The following PHACTR2 variants were observed in gnomAD, a reference collection of about 807,000 sequenced individuals.
PHACTR2 encodes the protein chromosome 6 open reading frame 56.
Under a neutral mutation model 76.0 loss-of-function variants are expected in PHACTR2, and 30 were observed. That is an observed-to-expected ratio of 0.39 (90% CI 0.30 to 0.54). The LOEUF is 0.54. Ranked by LOEUF, PHACTR2 falls within the 20% of genes least tolerant of loss-of-function variation. The pLI is 0.61. For synonymous variants in PHACTR2, 292 were observed against 292.5 expected, an observed-to-expected ratio of 1.00 and a Z score of 0.02; for missense variants, 696 against 781.1, an observed-to-expected ratio of 0.89 and a Z score of 1.30.
rs200454813 is a variant in PHACTR2 at position 143,765,584 on chromosome 6, G to A, written c.1018G>A (p.Val340Met). 9 of 1,613,938 alleles carry A rather than the reference G, an allele frequency of 5.6e-6. No homozygotes were observed. The highest frequency in any genetic ancestry group is 7.6e-6 in the Non-Finnish European group (9 of 1,179,968). Reference protein sequence around the residue: ...KFKSMVPPPPVAPAPSPLAPP... With the variant: ...KFKSMVPPPPMAPAPSPLAPP... ...CAAGTCCATGGTCCCTCCACCCCCT[G>A]TGGCTCCAGCACCTTCTCCTCTGGC... The change falls in exon 6 of 13, where the codon GTG (valine) becomes ATG (methionine). Residue 340 changes from valine (V) to methionine (M), a missense_variant. By Grantham distance (21) the Val-to-Met change is conservative. Around this residue, in one of 2 missense-constraint regions of PHACTR2, gnomAD observed 460 missense variants for 450.9 expected, o/e 1.02. Coordinates refer to ENST00000440869, the MANE Select transcript of PHACTR2 (RefSeq NM_001100164.2). The surrounding 1 kb of genome is among the most constrained non-coding windows in gnomAD (Gnocchi z 4.1).
At chr6:143,590,738 A>G (rs910297355) in intron 1 of PHACTR2, among the ~76,000 whole-genome samples, 1 of 152,198 alleles carries the variant, frequency 6.6e-6, no homozygotes, top group Admixed American at 6.5e-5. Flanking sequence ...AAGATCTAAG[A>G]AAGAAAAAGC....
Position 143,765,900 on chromosome 6 carries a change from T to G in PHACTR2, c.1232+102T>G, listed in dbSNP as rs1779553756. On this transcript the variant is annotated intron_variant, in intron 6 of 12. Transcript: ENST00000440869. This position sits in a 1 kb window ranked among gnomAD's most constrained non-coding sequence, Gnocchi z 4.1. ...GGGTTTGCTTTCTTATATAATTTAA[T>G]CTACTGAGTGTTAGGTAGGCATACA... 2.1e-6 allele frequency: 2 copies of G among 972,284 alleles called. No individual in the cohort carries two copies. Among genetic ancestry groups the G allele is most frequent in the Admixed American group, 2.6e-5 (1 of 38,928 alleles). 60.2% of individuals were successfully genotyped at this position (972,284 alleles called of 1,614,324 possible). A position where few individuals can be genotyped will look rare whatever the true frequency, so the allele number is the denominator to read the frequency against.
At chr6:143,758,500 T>G (rs1779357442) in intron 4 of PHACTR2, among the ~76,000 whole-genome samples, 1 of 152,218 alleles carries the variant, frequency 6.6e-6, no homozygotes, top group Admixed American at 6.5e-5. Context: ...ATTTTATAGG[T>G]GTGTATCAAC....
intron 2 of PHACTR2, among the ~76,000 whole-genome samples, chr6:143,741,497 C>T (rs748272651): frequency 3.3e-5 from 5 of 151,988 alleles, no homozygotes; most frequent in Non-Finnish European, 5.9e-5. Context: ...CATCTGAAAA[C>T]AAAAATAACA....
chr6:143,805,747 C>A (rs1157002637), intron 11 of PHACTR2, among the ~76,000 whole-genome samples: 2 of 152,188 alleles, frequency 1.3e-5, no homozygotes, highest in African/African-American at 2.4e-5. Flanking sequence ...TTCCTAGTCA[C>A]AGGTTCTCCA....
At chr6:143,620,844 C>T (rs1257835482) in intron 1 of PHACTR2, among the ~76,000 whole-genome samples, 1 of 152,194 alleles carries the variant, frequency 6.6e-6, no homozygotes, top group African/African-American at 2.4e-5. Context: ...TTTGCCCTGG[C>T]CTCAAAGGCT....
intron 2 of PHACTR2, among the ~76,000 whole-genome samples, chr6:143,735,700 A>G (rs1457314059): frequency 1.3e-5 from 2 of 151,940 alleles, no homozygotes; most frequent in African/African-American, 4.8e-5. Flanking sequence ...TGTGTTAAGT[A>G]AGACAGTGAC....
At position 143,830,970 on chromosome 6, in the gene PHACTR2, G is replaced by C. The variant is rs1456765594; in HGVS notation, c.*7281G>C. 6.6e-6 allele frequency: 1 copy of C among 152,092 alleles called. No individual in the cohort carries two copies. Among genetic ancestry groups the C allele is most frequent in the Admixed American group, 6.6e-5 (1 of 15,262 alleles). 9.4% of individuals were successfully genotyped at this position (152,092 alleles called of 1,614,324 possible). ...GTTTTTAACACCTCTTTGTATGTAA[G>C]GTCTTGAGACATGTAAGGCCTGGTA... On this transcript the variant is annotated 3_prime_UTR_variant, in exon 13 of 13. Coordinates refer to ENST00000440869, the MANE Select transcript of PHACTR2 (RefSeq NM_001100164.2).
chr6:143,796,870 T>C (rs1312907068), intron 11 of PHACTR2, among the ~76,000 whole-genome samples: 1 of 152,236 alleles, frequency 6.6e-6, no homozygotes, highest in Non-Finnish European at 1.5e-5. Flanking sequence ...TCAGTAAACA[T>C]ACATGTGCAT....
Position 143,718,210 on chromosome 6 carries a change from G to A in PHACTR2, c.214+6027G>A, listed in dbSNP as rs115036609. Among the ~76,000 whole-genome samples the A allele has an allele frequency of 7.4e-3, 1,130 of 152,180 alleles. 21 individuals carry two copies. Among genetic ancestry groups the A allele is most frequent in the African/African-American group, 0.026 (1,075 of 41,526 alleles). ...TGTACTCCCTAATAGTAATAATAAT[G>A]GCTAATTTTTATTGAATGCTGTTAG... On this transcript the variant is annotated intron_variant, in intron 2 of 12. Coordinates refer to ENST00000440869, the MANE Select transcript of PHACTR2 (RefSeq NM_001100164.2).
rs1775824216 is a variant in PHACTR2 at position 143,602,535 on chromosome 6, G to A, written c.217+65328G>A. 6.6e-6 allele frequency among the ~76,000 whole-genome samples: 1 copy of A among 152,156 alleles called. No individual in the cohort carries two copies. The highest frequency in any genetic ancestry group is 6.5e-5 in the Admixed American group (1 of 15,284). On this transcript the variant is annotated intron_variant, in intron 1 of 11. Coordinates refer to the PHACTR2 transcript ENST00000367584. The surrounding 1 kb of genome is among the most constrained non-coding windows in gnomAD (Gnocchi z 6.1). ...GCATCTGGCCTTGACCTCTGCTTTT[G>A]TCCCTTGGGTACAGCAGGACATTGC...
At chr6:143,600,353 T>C (rs1193092321) in intron 1 of PHACTR2, among the ~76,000 whole-genome samples, 2 of 152,248 alleles carry the variant, frequency 1.3e-5, no homozygotes, top group African/African-American at 2.4e-5. Flanking sequence ...CTGATCGATA[T>C]GTTCAGAAGC....
intron 2 of PHACTR2, among the ~76,000 whole-genome samples, chr6:143,734,440 G>A (rs1351872611): frequency 2.0e-5 from 3 of 152,210 alleles, no homozygotes; most frequent in Non-Finnish European, 4.4e-5. Flanking sequence ...GACCTGACTA[G>A]TATCTCAAGT....
chr6:143,661,807 T>G (rs1776950816), intron 1 of PHACTR2, among the ~76,000 whole-genome samples: 3 of 152,104 alleles, frequency 2.0e-5, no homozygotes, highest in Non-Finnish European at 4.4e-5. Context: ...TTCGCTTGCC[T>G]TAGCCTCCAA....
rs1267485223 is a variant in PHACTR2 at position 143,793,912 on chromosome 6, A to C, written c.1845+5002A>C. 6.6e-6 allele frequency among the ~76,000 whole-genome samples: 1 copy of C among 151,920 alleles called. No homozygotes were observed. The highest frequency in any genetic ancestry group is 1.5e-5 in the Non-Finnish European group (1 of 67,986). ...GGCAACAGAGCTAGACCTTATCTCA[A>C]AATAAATAAATAAATAAATAATATG... On this transcript the variant is annotated intron_variant, in intron 11 of 12. Coordinates refer to ENST00000440869, the MANE Select transcript of PHACTR2 (RefSeq NM_001100164.2). The surrounding 1 kb of genome is among the most constrained non-coding windows in gnomAD (Gnocchi z 4.4).
chr6:143,746,981 G>A (rs1779081912), intron 2 of PHACTR2, among the ~76,000 whole-genome samples: 2 of 152,162 alleles, frequency 1.3e-5, no homozygotes, highest in African/African-American at 4.8e-5. Flanking sequence ...AGCCTTCTGT[G>A]TATGTCTCCT....
In PHACTR2 at chr6:143,739,326, G is replaced by A. The variant is rs1347151143; in HGVS notation, c.215-9659G>A. Among the ~76,000 whole-genome samples the A allele has an allele frequency of 6.6e-6, 1 of 152,194 alleles. No homozygotes were observed. The highest frequency in any genetic ancestry group is 1.5e-5 in the Non-Finnish European group (1 of 68,032). On this transcript the variant is annotated intron_variant, in intron 2 of 12. Transcript: ENST00000440869. This position sits in a 1 kb window ranked among gnomAD's most constrained non-coding sequence, Gnocchi z 4.3. Reference sequence around the variant, plus strand: ...GATCCACCAGCCTCGGCATCCCAAAGTGCTGGGATTACAGGTGTGAGCCAC... The same window carrying A: ...GATCCACCAGCCTCGGCATCCCAAAATGCTGGGATTACAGGTGTGAGCCAC...
Position 143,775,935 on chromosome 6 carries a change from G to A in PHACTR2, c.1590-1393G>A, listed in dbSNP as rs1021241466. 2.0e-5 allele frequency among the ~76,000 whole-genome samples: 3 copies of A among 152,110 alleles called. No individual in the cohort carries two copies. The highest frequency in any genetic ancestry group is 1.9e-4 in the East Asian group (1 of 5,178). On this transcript the variant is annotated intron_variant, in intron 8 of 12. Transcript: ENST00000440869. The surrounding 1 kb of genome is among the most constrained non-coding windows in gnomAD (Gnocchi z 4.4). Reference sequence around the variant, plus strand: ...CACCTGAGGTCAGGAGTTCAAGACCGGCCTGGCCAACATGGCGAAATACCG... The same window carrying A: ...CACCTGAGGTCAGGAGTTCAAGACCAGCCTGGCCAACATGGCGAAATACCG...
chr6:143,684,465 T>A lies in PHACTR2; in HGVS notation c.46+6256T>A, dbSNP rs554394667. ...CTGTCCCTACTGCCACTATCCAAGC[T>A]CTGAGGCCATCCATTACATGGACAA... On this transcript the variant is annotated intron_variant, in intron 1 of 12. Transcript: ENST00000440869. The surrounding 1 kb of genome is among the most constrained non-coding windows in gnomAD (Gnocchi z 4.3). Among the ~76,000 whole-genome samples the A allele has an allele frequency of 6.6e-6, 1 of 152,326 alleles. No homozygotes were observed. The highest frequency in any genetic ancestry group is 2.4e-5 in the African/African-American group (1 of 41,576).
Sources: gnomAD v4.1 joint callset for allele counts (sites outside exome capture counted in the v4.1 genomes callset) on GRCh38, gnomAD v4.1.1 for gene constraint, gnomAD v4.1.1 regional missense constraint, Gnocchi (gnomAD v3.1) non-coding constraint, MANE v1.5 for transcripts, NCBI Gene and HGNC (gene_info 2026-07-23, HGNC 2026-07-21) for gene names.